SCHIP1: variants seen among roughly 807,000 people sequenced by gnomAD.
SCHIP1 encodes schwannomin interacting protein 1.
A neutral mutation model predicts 29.7 loss-of-function variants in SCHIP1; 8 were observed. The ratio of observed to expected loss-of-function variants is 0.27; its 90% CI spans 0.16 to 0.49. The LOEUF (loss-of-function observed/expected upper bound fraction) is 0.49. Ranked by LOEUF, SCHIP1 falls within the 20% of genes least tolerant of loss-of-function variation. SCHIP1 has a pLI of 0.99. For synonymous variants in SCHIP1, 76 were observed against 94.9 expected (o/e 0.80, Z 1.16); for missense variants, 193 against 294.6 (o/e 0.66, Z 2.52).
chr3:159,600,962 C>G, the SCHIP1 span, among the ~76,000 whole-genome samples: 1 of 152,194 alleles, frequency 6.6e-6, no homozygotes, highest in Non-Finnish European at 1.5e-5. Context: ...GTGATTTCCT[C>G]AAAGGGTTAG....
chr3:159,558,431 G>A, the SCHIP1 span, among the ~76,000 whole-genome samples: 1 of 152,324 alleles, frequency 6.6e-6, no homozygotes, highest in South Asian at 2.1e-4. Context: ...GACAATAAGA[G>A]ACAATAAGAG....
the SCHIP1 span, among the ~76,000 whole-genome samples, chr3:159,770,629 A>G: frequency 1.3e-5 from 2 of 152,182 alleles, no homozygotes; most frequent in Non-Finnish European, 2.9e-5. Context: ...TGGTAGGTGT[A>G]TGTTTACCTG....
chr3:159,497,092 C>G, the SCHIP1 span, among the ~76,000 whole-genome samples: 2 of 152,094 alleles, frequency 1.3e-5, no homozygotes, highest in Non-Finnish European at 2.9e-5. Context: ...ACATCACACA[C>G]TGGGGACTGT....
At chr3:159,566,843 G>A in the SCHIP1 span, among the ~76,000 whole-genome samples, 1 of 152,200 alleles carries the variant, frequency 6.6e-6, no homozygotes, top group African/African-American at 2.4e-5. Context: ...TCTTCAGGAT[G>A]TGTACCCAGG....
the SCHIP1 span, chr3:159,398,953 G>T: frequency 1.0e-6 from 1 of 984,156 alleles, no homozygotes; most frequent in Non-Finnish European, 1.2e-6. Context: ...ATTCAAACAA[G>T]TGTGGGCAAT....
At position 159,888,813 on chromosome 3, in the gene SCHIP1, T is replaced by C. The variant is rs371872533; in HGVS notation, c.466-7T>C. On this transcript the variant is annotated splice_polypyrimidine_tract_variant and splice_region_variant and intron_variant, in intron 4 of 6. Coordinates refer to ENST00000445224, the Ensembl canonical transcript of SCHIP1. Reference sequence around the variant, plus strand: ...ACTCCTCCATTTCTTCTCCTTTGTATCTTCAGCTGCCACACATGCCTCATA... The same window carrying C: ...ACTCCTCCATTTCTTCTCCTTTGTACCTTCAGCTGCCACACATGCCTCATA... 2 of 1,613,682 alleles carry C rather than the reference T, an allele frequency of 1.2e-6. No individual in the cohort carries two copies. The highest frequency in any genetic ancestry group is 1.3e-5 in the African/African-American group (1 of 75,030).
At chr3:159,884,785 G>T (rs1238921385) in intron 2 of SCHIP1, among the ~76,000 whole-genome samples, 1 of 152,162 alleles carries the variant, frequency 6.6e-6, no homozygotes, top group Non-Finnish European at 1.5e-5. Flanking sequence ...TAAGGATTCA[G>T]AACCTAAGTT....
the SCHIP1 span, among the ~76,000 whole-genome samples, chr3:159,579,377 G>A: frequency 1.3e-5 from 2 of 152,198 alleles, no homozygotes; most frequent in South Asian, 4.1e-4. Context: ...TCTACTTACA[G>A]CATAATGTGC....
At chr3:159,441,609 A>G in the SCHIP1 span, among the ~76,000 whole-genome samples, 1 of 152,250 alleles carries the variant, frequency 6.6e-6, no homozygotes, top group East Asian at 1.9e-4. Flanking sequence ...TGGGATTTAC[A>G]TGGAAAGATG....
At chr3:159,466,431 A>C in the SCHIP1 span, among the ~76,000 whole-genome samples, 1 of 152,156 alleles carries the variant, frequency 6.6e-6, no homozygotes, top group African/African-American at 2.4e-5. Context: ...GAATGTGTAC[A>C]AAGGGGATAA....
chr3:159,343,790 C>T, the SCHIP1 span, among the ~76,000 whole-genome samples: 3 of 152,244 alleles, frequency 2.0e-5, no homozygotes, highest in Non-Finnish European at 4.4e-5. Context: ...CCTTTGTTAT[C>T]AATATTGCAC....
At chr3:159,690,209 G>A in the SCHIP1 span, among the ~76,000 whole-genome samples, 1 of 152,176 alleles carries the variant, frequency 6.6e-6, no homozygotes, top group East Asian at 1.9e-4. Flanking sequence ...GAATTCGGCT[G>A]TGAATCTGTA....
the SCHIP1 span, among the ~76,000 whole-genome samples, chr3:159,408,839 G>A: frequency 6.6e-6 from 1 of 152,182 alleles, no homozygotes; most frequent in South Asian, 2.1e-4. Context: ...ATCAAAGAAA[G>A]AAAAATATAA....
the SCHIP1 span, among the ~76,000 whole-genome samples, chr3:159,508,378 T>A: frequency 6.6e-6 from 1 of 152,346 alleles, no homozygotes; most frequent in South Asian, 2.1e-4. Context: ...TTTGTCTTGC[T>A]AGTGGTCTAT....
chr3:159,553,265 T>TA, the SCHIP1 span, among the ~76,000 whole-genome samples: 50,121 of 144,834 alleles, frequency 0.35, 11,215 homozygotes, highest in African/African-American at 0.63. Flanking sequence ...TGGAAAAGGT[T>TA]AAAAAAAAAA....
the SCHIP1 span, among the ~76,000 whole-genome samples, chr3:159,676,761 A>G: frequency 6.6e-6 from 1 of 152,164 alleles, no homozygotes. Context: ...CCTGGGCTGT[A>G]TGCTCCAAGC....
chr3:159,772,336 GT>G, the SCHIP1 span, among the ~76,000 whole-genome samples: 1 of 152,162 alleles, frequency 6.6e-6, no homozygotes, highest in Non-Finnish European at 1.5e-5. Flanking sequence ...TAGGGATGGG[GT>G]TTCTCCATGT....
chr3:159,459,997 A>AATGATAAAATGAAT, the SCHIP1 span, among the ~76,000 whole-genome samples: 1 of 152,194 alleles, frequency 6.6e-6, no homozygotes, highest in African/African-American at 2.4e-5. Context: ...TGTTTAACTC[A>AATGATAAAATGAAT]GTCTGTAGTC....
At chr3:159,594,088 A>C in the SCHIP1 span, among the ~76,000 whole-genome samples, 18 of 152,036 alleles carry the variant, frequency 1.2e-4, no homozygotes, top group African/African-American at 4.3e-4. Flanking sequence ...AGGAACCTTG[A>C]CACATTTCCA....
Sources: allele counts gnomAD v4.1 joint callset (sites outside exome capture counted in the v4.1 genomes callset), GRCh38; gene constraint gnomAD v4.1.1; transcripts MANE v1.5; gene names NCBI Gene and HGNC (gene_info 2026-07-23, HGNC 2026-07-21).